The following KIFAP3 variants were observed in gnomAD, a reference collection of about 807,000 sequenced individuals.
The protein encoded by KIFAP3 is kinesin associated protein 3.
In KIFAP3, 68 loss-of-function variants were observed where a neutral mutation model predicts 106.5. The observed-to-expected ratio is 0.64, with a 90% confidence interval of 0.53 to 0.78. KIFAP3 has a LOEUF of 0.78. Ranked by LOEUF, KIFAP3 falls within the 30% of genes least tolerant of loss-of-function variation. KIFAP3 has a pLI of 0.00. For synonymous variants in KIFAP3, 320 were observed against 311.5 expected (o/e 1.03, Z -0.29); for missense variants, 780 against 941.8 (o/e 0.83, Z 2.25).
chr1:170,048,338 A>C (rs1670375745), intron 2 of KIFAP3, among the ~76,000 whole-genome samples: 2 of 149,116 alleles, frequency 1.3e-5, no homozygotes, highest in African/African-American at 4.9e-5. Context: ...AAGTCCTTTA[A>C]TTTTATTATA....
intron 1 of KIFAP3, among the ~76,000 whole-genome samples, chr1:170,066,284 T>TA (rs1398696269): frequency 1.3e-5 from 2 of 151,992 alleles, no homozygotes; most frequent in Non-Finnish European, 2.9e-5. Flanking sequence ...TATGTATTTT[T>TA]AAAAAATTAA....
intron 17 of KIFAP3, 135 bp downstream of exon 17, chr1:169,972,378 T>A (rs150322153): frequency 1.6e-4 from 89 of 556,092 alleles, no homozygotes; most frequent in African/African-American, 1.6e-3. Context: ...AAATTTAGTA[T>A]CATTGTATAT....
chr1:170,009,593 C>T (rs1176857837), intron 10 of KIFAP3, among the ~76,000 whole-genome samples: 1 of 152,116 alleles, frequency 6.6e-6, no homozygotes, highest in Non-Finnish European at 1.5e-5. Context: ...CTTATGAAAT[C>T]TCTAAACCAA....
rs144041171 is a variant in KIFAP3 at position 169,925,978 on chromosome 1, A to C, written c.2274-4197T>G. On this transcript the variant is annotated intron_variant, in intron 19 of 19. Coordinates refer to ENST00000361580, the MANE Select transcript of KIFAP3 (RefSeq NM_014970.4). ...AGAGCAAGTAATGAATTTATTAATAAATGGCTACAAAAAGAATAAATGCAG... is the reference window on the plus strand; with the variant it reads ...AGAGCAAGTAATGAATTTATTAATACATGGCTACAAAAAGAATAAATGCAG... 4.8e-4 allele frequency among the ~76,000 whole-genome samples: 73 copies of C among 152,320 alleles called. 1 individual carries two copies. In the East Asian group the frequency reaches 0.013, roughly 28 times the overall value.
intron 3 of KIFAP3, among the ~76,000 whole-genome samples, chr1:170,044,101 G>A (rs1670121684): frequency 6.6e-6 from 1 of 152,184 alleles, no homozygotes; most frequent in South Asian, 2.1e-4. Context: ...TGGGAGTGAA[G>A]AGAAATTCCC....
Position 169,998,446 on chromosome 1 carries a change from CT to C in KIFAP3, c.1184-6192del, listed in dbSNP as rs796297609. Among the ~76,000 whole-genome samples the C allele has an allele frequency of 7.5e-3, 1,100 of 145,724 alleles. 18 individuals carry two copies. Among genetic ancestry groups the C allele is most frequent in the African/African-American group, 0.024 (968 of 40,024 alleles). ...CACACACACACACACACCACACACA[CT>C]TTTTTTTTTTCTTGAGGAAACAGTG... On this transcript the variant is annotated intron_variant, in intron 10 of 19. Transcript: ENST00000361580.
intron 17 of KIFAP3, among the ~76,000 whole-genome samples, chr1:169,966,478 A>C (rs1266795825): frequency 7.9e-5 from 12 of 151,650 alleles, no homozygotes; most frequent in South Asian, 2.1e-4. Context: ...AAAAAAAAAA[A>C]AAAAAACCTT....
At chr1:170,024,869 G>A (rs557882090) in intron 8 of KIFAP3, among the ~76,000 whole-genome samples, 54 of 152,052 alleles carry the variant, frequency 3.6e-4, no homozygotes, top group African/African-American at 1.3e-3. Context: ...ATAAAACAAC[G>A]ATTCCTGCCC....
intron 17 of KIFAP3, among the ~76,000 whole-genome samples, chr1:169,962,284 T>C (rs1188887427): frequency 2.6e-5 from 4 of 152,188 alleles, no homozygotes. Context: ...TCTGTAACAC[T>C]TGTCAGAAAG....
chr1:170,005,265 T>A lies in KIFAP3; in HGVS notation c.1183+11197A>T, dbSNP rs192872975. ...ACACTTTACACTGTTGGTGGGACTG[T>A]AAACTAGTTCAACCATTGTGGAAGA... is the stretch of plus-strand genomic sequence containing the variant. On this transcript the variant is annotated intron_variant, in intron 10 of 19. Coordinates refer to ENST00000361580, the MANE Select transcript of KIFAP3 (RefSeq NM_014970.4). Among the ~76,000 whole-genome samples, 459 of 152,298 alleles carry A rather than the reference T, an allele frequency of 3.0e-3. 16 individuals are homozygous for A. In the South Asian group the frequency reaches 0.057, roughly 19 times the overall value.
intron 3 of KIFAP3, among the ~76,000 whole-genome samples, chr1:170,039,566 G>A (rs1039919799): frequency 9.2e-5 from 14 of 151,928 alleles, no homozygotes; most frequent in Non-Finnish European, 1.9e-4. Flanking sequence ...GTCAGACTTG[G>A]CAACAAGAAG....
At chr1:170,013,146 T>C (rs1490887961) in intron 10 of KIFAP3, among the ~76,000 whole-genome samples, 1 of 152,136 alleles carries the variant, frequency 6.6e-6, no homozygotes, top group Non-Finnish European at 1.5e-5. Flanking sequence ...CCTGCATCTG[T>C]TGGCACCTTG....
At chr1:169,991,345 CAAA>C (rs67702185) in intron 11 of KIFAP3, among the ~76,000 whole-genome samples, 5 of 138,798 alleles carry the variant, frequency 3.6e-5, no homozygotes, top group African/African-American at 2.7e-5. Context: ...GATCCTGTCT[CAAA>C]AAAAAAAAAG....
chr1:170,001,356 C>T lies in KIFAP3; in HGVS notation c.1184-9101G>A, dbSNP rs1311989326. Among the ~76,000 whole-genome samples the T allele has an allele frequency of 5.9e-5, 9 of 152,092 alleles. No homozygotes were observed. The East Asian group carries it at 1.7e-3, about 29-fold the overall frequency. Reference sequence around the variant, plus strand: ...ACACCCTAGGCAATATTCACACACACACAGTATTGGAACCAGCTGGTGACA... The same window carrying T: ...ACACCCTAGGCAATATTCACACACATACAGTATTGGAACCAGCTGGTGACA... On this transcript the variant is annotated intron_variant, in intron 10 of 19. Coordinates refer to ENST00000361580, the MANE Select transcript of KIFAP3 (RefSeq NM_014970.4).
chr1:170,063,350 A>G (rs902205680), intron 1 of KIFAP3, among the ~76,000 whole-genome samples: 3 of 152,172 alleles, frequency 2.0e-5, no homozygotes, highest in Non-Finnish European at 2.9e-5. Context: ...TGTGACTCAC[A>G]CCACTGAACT....
intron 16 of KIFAP3, among the ~76,000 whole-genome samples, chr1:169,974,169 G>A (rs933589656): frequency 1.3e-5 from 2 of 151,882 alleles, no homozygotes; most frequent in Non-Finnish European, 2.9e-5. Flanking sequence ...AAGTAAGACA[G>A]AAGGGAGATA....
intron 3 of KIFAP3, among the ~76,000 whole-genome samples, chr1:170,044,394 C>T (rs1228198811): frequency 6.6e-6 from 1 of 152,154 alleles, no homozygotes; most frequent in Non-Finnish European, 1.5e-5. Context: ...GGAACAAATT[C>T]TCCATGTGAT....
intron 17 of KIFAP3, among the ~76,000 whole-genome samples, chr1:169,962,961 A>G (rs1215031385): frequency 6.6e-6 from 1 of 152,096 alleles, no homozygotes; most frequent in Non-Finnish European, 1.5e-5. Context: ...TTTTCTTTTT[A>G]ATTTTTATTT....
At chr1:169,993,447 G>A (rs187285102) in intron 10 of KIFAP3, among the ~76,000 whole-genome samples, 97 of 151,308 alleles carry the variant, frequency 6.4e-4, no homozygotes, top group Admixed American at 1.6e-3. Flanking sequence ...TGTAGAACAT[G>A]GAAGTTGTTC....
Sources: allele counts gnomAD v4.1 joint callset (sites outside exome capture counted in the v4.1 genomes callset), GRCh38; gene constraint gnomAD v4.1.1; transcripts MANE v1.5; gene names NCBI Gene and HGNC (gene_info 2026-07-23, HGNC 2026-07-21).